The following SPIDR variants were observed in gnomAD, a reference collection of about 807,000 sequenced individuals.
SPIDR encodes scaffold protein involved in DNA repair.
SPIDR carries 93 observed loss-of-function variants against 104.6 expected under a neutral mutation model. The ratio of observed to expected loss-of-function variants is 0.89; its 90% CI spans 0.75 to 1.06. SPIDR has a LOEUF of 1.06. Ranked by LOEUF, SPIDR falls within the 50% of genes least tolerant of loss-of-function variation. The pLI is 0.00. For missense variants in SPIDR, 1,154 were observed against 1,111.2 expected, an observed-to-expected ratio of 1.04 and a Z score of -0.55; for synonymous variants, 431 against 416.9, an observed-to-expected ratio of 1.03 and a Z score of -0.41.
intron 8 of SPIDR, among the ~76,000 whole-genome samples, chr8:47,534,712 A>G (rs1361577899): frequency 1.3e-5 from 2 of 152,138 alleles, no homozygotes; most frequent in Non-Finnish European, 2.9e-5. Context: ...GAAATAATAC[A>G]TACAAAAAAC....
chr8:47,517,012 T>C (rs1310893265), intron 8 of SPIDR, among the ~76,000 whole-genome samples: 1 of 152,216 alleles, frequency 6.6e-6, no homozygotes, highest in African/African-American at 2.4e-5. Context: ...TGCATTTCCC[T>C]AATGACTTGT....
At position 47,699,672 on chromosome 8, in the gene SPIDR, A is replaced by T. The variant is rs550140266; in HGVS notation, c.1686-731A>T. On this transcript the variant is annotated intron_variant, in intron 11 of 19. Coordinates refer to ENST00000297423, the MANE Select transcript of SPIDR (RefSeq NM_001080394.4). ...CGGGTTCAAGCGATTTTCCTGCCTC[A>T]ACCTCCCGAGTAGCTGGGATTACAG... 2.6e-5 allele frequency among the ~76,000 whole-genome samples: 4 copies of T among 152,210 alleles called. No homozygotes were observed. The South Asian group carries it at 6.2e-4, about 24-fold the overall frequency.
chr8:47,689,169 G>T (rs2078260645), intron 11 of SPIDR, among the ~76,000 whole-genome samples: 1 of 152,198 alleles, frequency 6.6e-6, no homozygotes, highest in Admixed American at 6.5e-5. Context: ...CCCAAAGTGG[G>T]ACTGCCTGGC....
At chr8:47,320,822 TATAAAC>T (rs1554594590) in intron 5 of SPIDR, among the ~76,000 whole-genome samples, 1 of 152,170 alleles carries the variant, frequency 6.6e-6, no homozygotes, top group Non-Finnish European at 1.5e-5. Flanking sequence ...TAATCCATCA[TATAAAC>T]AGAACCAACG....
intron 10 of SPIDR, among the ~76,000 whole-genome samples, chr8:47,608,863 A>G (rs535756380): frequency 1.3e-5 from 2 of 152,296 alleles, no homozygotes; most frequent in East Asian, 3.9e-4. Context: ...AGCTGGGACT[A>G]CACGTGCGTG....
intron 4 of SPIDR, among the ~76,000 whole-genome samples, chr8:47,292,279 G>A (rs1211004460): frequency 6.6e-6 from 1 of 152,130 alleles, no homozygotes; most frequent in Non-Finnish European, 1.5e-5. Flanking sequence ...TCTCGGGAGG[G>A]TAGTTAAATT....
Position 47,310,454 on chromosome 8 carries a change from C to T in SPIDR, c.525+16424C>T, listed in dbSNP as rs76024250. Among the ~76,000 whole-genome samples the T allele has an allele frequency of 4.7e-3, 716 of 151,758 alleles. 5 individuals carry two copies. The highest frequency in any genetic ancestry group is 0.016 in the African/African-American group (679 of 41,334). On this transcript the variant is annotated intron_variant, in intron 5 of 19. Transcript: ENST00000297423. ...GAGGGGCACATGTCGGACTACCTTT[C>T]CTGAAAATAACAATGACAACTTTTG...
At chr8:47,663,535 T>C (rs190109651) in intron 10 of SPIDR, among the ~76,000 whole-genome samples, 31 of 152,370 alleles carry the variant, frequency 2.0e-4, no homozygotes, top group African/African-American at 7.5e-4. Context: ...CAAGTGCTTT[T>C]GTTATTAAGG....
intron 5 of SPIDR, among the ~76,000 whole-genome samples, chr8:47,326,931 C>A (rs782531120): frequency 6.6e-6 from 1 of 152,116 alleles, no homozygotes; most frequent in Non-Finnish European, 1.5e-5. Flanking sequence ...TTTCGGAGTA[C>A]CTGTTTTCAG....
intron 16 of SPIDR, among the ~76,000 whole-genome samples, chr8:47,714,745 T>G (rs1331967308): frequency 6.6e-6 from 1 of 152,032 alleles, no homozygotes. Context: ...GGGGGAGAGG[T>G]CAAACTCAAG....
At chr8:47,411,415 G>A (rs532583778) in intron 7 of SPIDR, among the ~76,000 whole-genome samples, 1 of 152,312 alleles carries the variant, frequency 6.6e-6, no homozygotes, top group Admixed American at 6.5e-5. Context: ...GGCCAGTGAT[G>A]GTGAGCATTT....
At chr8:47,358,491 T>G (rs1365925315) in intron 5 of SPIDR, among the ~76,000 whole-genome samples, 1 of 152,210 alleles carries the variant, frequency 6.6e-6, no homozygotes, top group East Asian at 1.9e-4. Context: ...GTATACTCAC[T>G]TCTGAGTTTG....
chr8:47,640,613 G>T (rs1046733161), intron 10 of SPIDR, among the ~76,000 whole-genome samples: 27 of 152,248 alleles, frequency 1.8e-4, no homozygotes, highest in African/African-American at 6.3e-4. Context: ...TTGGTAGTAA[G>T]TATGAAAAGT....
rs1179618304 is a variant in SPIDR, at chr8:47,567,211, C to CTA, written c.1098-28584_1098-28583dup. ...GATTACACTGGTTTTGGAGGATAAACTATATATATATATATATTTTTTTTC... is the reference window on the plus strand; with the variant it reads ...GATTACACTGGTTTTGGAGGATAAACTATATATATATATATATATTTTTTTTC... On this transcript the variant is annotated intron_variant, in intron 8 of 19. Transcript: ENST00000297423. Among the ~76,000 whole-genome samples, 302 of 149,538 alleles carry CTA rather than the reference C, an allele frequency of 2.0e-3. 1 individual carries two copies. Among genetic ancestry groups the CTA allele is most frequent in the African/African-American group, 4.9e-3 (199 of 40,702 alleles).
chr8:47,526,901 CAG>C (rs1477930058), intron 8 of SPIDR, among the ~76,000 whole-genome samples: 8 of 152,136 alleles, frequency 5.3e-5, no homozygotes, highest in Non-Finnish European at 7.3e-5. Context: ...GGCAAATAAA[CAG>C]AGAATCACAG....
At chr8:47,385,943 C>T (rs1487262782) in intron 5 of SPIDR, among the ~76,000 whole-genome samples, 2 of 152,006 alleles carry the variant, frequency 1.3e-5, no homozygotes, top group Non-Finnish European at 2.9e-5. Flanking sequence ...AAACCTTTCT[C>T]CAGTTTACAA....
chr8:47,416,762 C>T (rs2064378613), intron 7 of SPIDR, among the ~76,000 whole-genome samples: 1 of 151,942 alleles, frequency 6.6e-6, no homozygotes, highest in South Asian at 2.1e-4. Flanking sequence ...CTAATGCTAT[C>T]CCTCCACCCT....
intron 5 of SPIDR, among the ~76,000 whole-genome samples, chr8:47,312,949 G>C (rs2044506059): frequency 6.6e-6 from 1 of 152,148 alleles, no homozygotes; most frequent in Admixed American, 6.5e-5. Flanking sequence ...TGGCTAGCCA[G>C]TTTTCCCAGC....
chr8:47,593,198 T>G (rs1049048857), intron 8 of SPIDR, among the ~76,000 whole-genome samples: 4 of 151,850 alleles, frequency 2.6e-5, no homozygotes, highest in Non-Finnish European at 5.9e-5. Flanking sequence ...GTTTTTTACT[T>G]TTTTTTTAAG....
Sources: gnomAD v4.1 joint callset for allele counts (sites outside exome capture counted in the v4.1 genomes callset) on GRCh38, gnomAD v4.1.1 for gene constraint, MANE v1.5 for transcripts, NCBI Gene and HGNC (gene_info 2026-07-23, HGNC 2026-07-21) for gene names.